Variants in PMM2 observed in about 807,000 individuals in gnomAD.
PMM2 encodes mannose-6-phosphate isomerase.
In PMM2, 35 loss-of-function variants were observed where a neutral mutation model predicts 33.2. The observed-to-expected ratio is 1.06, with a 90% CI of 0.81 to 1.40. The LOEUF is 1.40. PMM2 is among the 40% of genes most tolerant of loss of function. The pLI is 0.00. For missense variants in PMM2, 386 were observed against 306.0 expected, an observed-to-expected ratio of 1.26 and a Z score of -1.95; for synonymous variants, 153 against 114.7, an observed-to-expected ratio of 1.33 and a Z score of -2.13.
chr16:8,847,282 G>A (rs9935638), intron 7 of PMM2, among the ~76,000 whole-genome samples: 42,539 of 151,320 alleles, frequency 0.28, 6,097 homozygotes, highest in South Asian at 0.34. Flanking sequence ...ATGTCGCCAC[G>A]TCCCTCATCA....
In PMM2 at chr16:8,816,976, G is replaced by T. The variant is rs373368368; in HGVS notation, c.639+3870G>T. Reference sequence around the variant, plus strand: ...TAAAATAAAATAAAATAAAGACAGGGTCTTGCTGTGTTGCCCAGGCTGTAC... The same window carrying T: ...TAAAATAAAATAAAATAAAGACAGGTTCTTGCTGTGTTGCCCAGGCTGTAC... On this transcript the variant is annotated intron_variant, in intron 7 of 7. Transcript: ENST00000268261. Among the ~76,000 whole-genome samples the T allele has an allele frequency of 3.2e-4, 49 of 152,260 alleles. No homozygotes were observed. The East Asian group carries it at 4.6e-3, about 14-fold the overall frequency.
rs1467347811 is a variant in PMM2, at chr16:8,800,804, C to A, written c.67-995C>A. On this transcript the variant is annotated intron_variant, in intron 1 of 7. Transcript: ENST00000268261. ...GTTCAAGTGATTCTCCTGCCTCAGC[C>A]TCCCGAGTAGCTGGGACTACAGGCG... 7.9e-5 allele frequency among the ~76,000 whole-genome samples: 12 copies of A among 152,186 alleles called. No homozygotes were observed. The East Asian group carries it at 1.9e-3, about 24-fold the overall frequency.
At chr16:8,805,218 C>A (rs1352719262) in intron 3 of PMM2, among the ~76,000 whole-genome samples, 2 of 152,316 alleles carry the variant, frequency 1.3e-5, no homozygotes, top group African/African-American at 2.4e-5. Flanking sequence ...CAGGCACACG[C>A]CACCACACCC....
Position 8,804,783 on chromosome 16 carries a change from T to C in PMM2, c.195T>C (p.Asp65=), listed in dbSNP as rs762677422. The change falls in exon 3 of 8, where the codon GAT becomes GAC. Residue 65 remains aspartate, a synonymous_variant. Coordinates refer to ENST00000268261, the MANE Select transcript of PMM2 (RefSeq NM_000303.3). ...TGATTGTAGTGGTTGAAAAATACGA[T>C]TATGTGTTTCCAGAAAATGGCTTGG... is the stretch of plus-strand genomic sequence containing the variant. ...QLGNDVVEKY[D]YVFPENGLVA... is the part of the protein sequence containing the mutation. 1.9e-6 allele frequency: 3 copies of C among 1,613,028 alleles called. No homozygotes were observed. Among genetic ancestry groups the C allele is most frequent in the Non-Finnish European group, 2.5e-6 (3 of 1,179,002 alleles).
intron 1 of PMM2, among the ~76,000 whole-genome samples, chr16:8,800,591 A>G (rs925752602): frequency 1.3e-5 from 2 of 152,112 alleles, no homozygotes; most frequent in African/African-American, 4.8e-5. Context: ...GAGACTAAAA[A>G]ATCTAGTTAT....
chr16:8,811,569 C>T (rs1252935032), intron 5 of PMM2, 69 bp from the exon 6 acceptor site: 8 of 930,426 alleles, frequency 8.6e-6, no homozygotes, highest in Non-Finnish European at 1.3e-5. Flanking sequence ...ACCTTTGTGG[C>T]CAGTAGTTAA....
At chr16:8,802,358 A>G (rs1350028690) in intron 2 of PMM2, 3 of 453,606 alleles carry the variant, frequency 6.6e-6, no homozygotes, top group Non-Finnish European at 1.3e-5. Flanking sequence ...GTCTGACTTG[A>G]TAGGTCTGTG....
intron 1 of PMM2, among the ~76,000 whole-genome samples, chr16:8,799,162 C>T (rs1221914378): frequency 6.6e-6 from 1 of 152,106 alleles, no homozygotes; most frequent in Non-Finnish European, 1.5e-5. Flanking sequence ...CAGCCATAAA[C>T]CCTATATAAA....
chr16:8,800,487 T>G (rs1206392121), intron 1 of PMM2, among the ~76,000 whole-genome samples: 1 of 152,238 alleles, frequency 6.6e-6, no homozygotes, highest in African/African-American at 2.4e-5. Flanking sequence ...CATCTTAGTT[T>G]ATAACTTTTT....
In PMM2 at chr16:8,811,708, C is replaced by T. The variant is rs971683865; in HGVS notation, c.518C>T (p.Ser173Phe). ...TTTGCTGGAAAAGGCCTCACGTTTT[C>T]CATAGGTATTGTATATATTGCCTGT... The part of the protein sequence containing the change: ...KEFAGKGLTF[S>F]IGGQISFDVF... Residue 173 changes from serine to phenylalanine, a missense_variant, in exon 6 of 8, where the codon TCC (serine) becomes TTC (phenylalanine). Ser to Phe is a radical substitution (Grantham distance 155). Coordinates refer to ENST00000268261, the MANE Select transcript of PMM2 (RefSeq NM_000303.3). 4 of 1,606,054 alleles carry T rather than the reference C, an allele frequency of 2.5e-6. No homozygotes were observed. Among genetic ancestry groups the T allele is most frequent in the African/African-American group, 2.7e-5 (2 of 74,742 alleles).
intron 7 of PMM2, among the ~76,000 whole-genome samples, chr16:8,823,927 G>A (rs551101765): frequency 3.3e-5 from 5 of 152,262 alleles, no homozygotes; most frequent in African/African-American, 4.8e-5. Flanking sequence ...AAAGTATGTC[G>A]TACCAGTCAA....
chr16:8,822,901 C>T (rs2060745905), intron 7 of PMM2, among the ~76,000 whole-genome samples: 1 of 152,272 alleles, frequency 6.6e-6, no homozygotes, highest in Non-Finnish European at 1.5e-5. Flanking sequence ...GAGTGAAAGT[C>T]CTGGCTTCAG....
intron 7 of PMM2, among the ~76,000 whole-genome samples, chr16:8,827,418 G>GTCT (rs2060775368): frequency 6.8e-6 from 1 of 147,950 alleles, no homozygotes; most frequent in South Asian, 2.1e-4. Context: ...TTGAAATGGA[G>GTCT]TCTTGCTCTG....
intron 7 of PMM2, among the ~76,000 whole-genome samples, chr16:8,833,256 T>G (rs2060822096): frequency 6.6e-6 from 1 of 151,638 alleles, no homozygotes; most frequent in Non-Finnish European, 1.5e-5. Context: ...TTCTCAAGAG[T>G]GGGGAGAATT....
chr16:8,804,031 G>GTTTTTTGTTTTTT (rs778630854), intron 2 of PMM2, among the ~76,000 whole-genome samples: 19 of 87,476 alleles, frequency 2.2e-4, no homozygotes, highest in East Asian at 3.2e-4. Context: ...GGTTTTTTTT[G>GTTTTTTGTTTTTT]TTTTTTTTTT....
intron 7 of PMM2, among the ~76,000 whole-genome samples, chr16:8,819,767 A>G (rs1388430173): frequency 6.6e-6 from 1 of 152,092 alleles, no homozygotes; most frequent in East Asian, 1.9e-4. Context: ...TAAATCTTCC[A>G]GCACTTCCTC....
chr16:8,832,267 T>G, intron 7 of PMM2: 1 of 985,462 alleles, frequency 1.0e-6, no homozygotes, highest in Non-Finnish European at 1.2e-6. Context: ...GTGATGCAGA[T>G]GCTCCTGCGA....
At chr16:8,810,734 G>T in intron 4 of PMM2, 1 of 362,226 alleles carries the variant, frequency 2.8e-6, no homozygotes, top group South Asian at 2.2e-5. Flanking sequence ...GCATAACCAT[G>T]CCAGGCTATT....
intron 7 of PMM2, among the ~76,000 whole-genome samples, chr16:8,841,892 A>G (rs2060893080): frequency 6.6e-6 from 1 of 150,464 alleles, no homozygotes; most frequent in Non-Finnish European, 1.5e-5. Flanking sequence ...AGCAGAAAGT[A>G]TATGCATCAG....
Sources: allele counts gnomAD v4.1 joint callset (sites outside exome capture counted in the v4.1 genomes callset), GRCh38; gene constraint gnomAD v4.1.1; transcripts MANE v1.5; gene names NCBI Gene and HGNC (gene_info 2026-07-23, HGNC 2026-07-21).